Variants in ARHGAP9 observed in about 807,000 individuals in gnomAD.
ARHGAP9 encodes rho GTPase-activating protein 9.
In ARHGAP9, 76 loss-of-function variants were observed where a neutral mutation model predicts 87.3. The observed-to-expected ratio is 0.87, with a 90% confidence interval of 0.72 to 1.05. The LOEUF (loss-of-function observed/expected upper bound fraction) is 1.05, where lower values mean the gene tolerates loss of function less well. Among genes scored for constraint, ARHGAP9 ranks in the 50% least tolerant of loss-of-function variants. The pLI, the probability that ARHGAP9 is intolerant of heterozygous loss-of-function variation, is 0.00. For synonymous variants in ARHGAP9, 382 were observed against 394.9 expected (o/e 0.97, Z 0.39); for missense variants, 941 against 960.5 (o/e 0.98, Z 0.27).
upstream of ARHGAP9, among the ~76,000 whole-genome samples, chr12:57,481,891 C>T (rs1875039988): frequency 2.0e-5 from 3 of 152,076 alleles, no homozygotes; most frequent in African/African-American, 7.2e-5. Context: ...TTTCTGCATA[C>T]CCTCCCTGGG....
upstream of ARHGAP9, among the ~76,000 whole-genome samples, chr12:57,484,660 A>C (rs1316439951): frequency 6.6e-6 from 1 of 152,126 alleles, no homozygotes; most frequent in East Asian, 1.9e-4. Context: ...TTGTTTATTT[A>C]TTTTAGACAG....
chr12:57,482,640 G>A (rs1875108837), upstream of ARHGAP9, among the ~76,000 whole-genome samples: 1 of 152,138 alleles, frequency 6.6e-6, no homozygotes, highest in African/African-American at 2.4e-5. Flanking sequence ...GGGAAGTTGA[G>A]GCTGCAGTGA....
upstream of ARHGAP9, chr12:57,483,865 C>A (rs1421801827): frequency 2.2e-6 from 1 of 453,198 alleles, no homozygotes; most frequent in Non-Finnish European, 4.4e-6. Flanking sequence ...CATGGTAAAA[C>A]CCCATCCCTA....
Position 57,472,618 on chromosome 12 carries a change from A to G in ARHGAP9, c.2095T>C (p.Phe699Leu). The change falls in exon 18 of 18, where the codon TTT becomes CTT. Residue 699 changes from phenylalanine to leucine, a missense_variant. Phe to Leu is a conservative substitution (Grantham distance 22, BLOSUM62 0). Transcript: ENST00000393791. ...NLGIVFGPTL[F>L]RPEQETSDPA... The stretch of plus-strand genomic sequence containing the variant: ...TCAGATGTCTCCTGCTCTGGCCGAA[A>G]CAGGGTTGGTCCAAACACAATTCCC... The G allele has an allele frequency of 6.2e-7, 1 of 1,614,246 alleles. No homozygotes were observed. Among genetic ancestry groups the G allele is most frequent in the South Asian group, 1.1e-5 (1 of 91,084 alleles).
In ARHGAP9 at chr12:57,474,488, A is replaced by G. The variant is rs1872864028; in HGVS notation, c.1730-12T>C. ...GGTGACCGCACGCTCTGCAACATGA[A>G]TGAGGAGAGATCAGGAGCTAAGACA... On this transcript the variant is annotated splice_polypyrimidine_tract_variant and intron_variant, in intron 14 of 17. Coordinates refer to ENST00000393791, the MANE Select transcript of ARHGAP9 (RefSeq NM_032496.4). The G allele has an allele frequency of 6.2e-7, 1 of 1,614,040 alleles. No homozygotes were observed. The highest frequency in any genetic ancestry group is 1.7e-5 in the Admixed American group (1 of 59,990).
chr12:57,480,642 A>T, upstream of ARHGAP9: 1 of 815,634 alleles, frequency 1.2e-6, no homozygotes. Context: ...TTGAATCAGG[A>T]ACAATGGACA....
intron 1 of ARHGAP9, 150 bp from the exon 2 acceptor site, chr12:57,479,574 G>A (rs1874781994): frequency 1.3e-6 from 2 of 1,517,148 alleles, no homozygotes; most frequent in Middle Eastern, 2.1e-4. Context: ...GCCTGGTGAG[G>A]ATCGGTGACA....
In ARHGAP9 at chr12:57,477,585, G is replaced by C. The variant is rs148589826; in HGVS notation, c.630C>G (p.Cys210Trp). 1 of 1,613,114 alleles carries C rather than the reference G, an allele frequency of 6.2e-7. No individual in the cohort carries two copies. The highest frequency in any genetic ancestry group is 1.1e-5 in the South Asian group (1 of 91,004). Residue 210 changes from cysteine to tryptophan, a missense_variant, in exon 4 of 18, where the codon TGC (cysteine) becomes TGG (tryptophan). Cys to Trp is a radical substitution (Grantham distance 215). Coordinates refer to ENST00000393791, the MANE Select transcript of ARHGAP9 (RefSeq NM_032496.4). ...CPRSPPPGPACPLLQRLDAWE... is the reference protein window; with the variant it reads ...CPRSPPPGPAWPLLQRLDAWE... ...AGGCATCCAGCCTCTGCAGCAGGGG[G>C]CATGCAGGGCCTGGGGGTGGGGACC... is the stretch of plus-strand genomic sequence containing the variant.
intron 4 of ARHGAP9, 54 bp from the exon 5 acceptor site, chr12:57,477,323 T>C: frequency 2.0e-6 from 3 of 1,510,686 alleles, no homozygotes; most frequent in South Asian, 2.5e-5. Context: ...CTCTACCCAC[T>C]CTCCACACCC....
chr12:57,476,202 G>C, intron 8 of ARHGAP9, 36 bp from the exon 9 acceptor site: 1 of 1,518,594 alleles, frequency 6.6e-7, no homozygotes, highest in Non-Finnish European at 8.9e-7. Context: ...CCACGGTGTT[G>C]TTTCCTTCAC....
In ARHGAP9 at chr12:57,476,126, C is replaced by T; in HGVS notation, c.1157G>A (p.Arg386His). 6.5e-7 allele frequency: 1 copy of T among 1,542,662 alleles called. No homozygotes were observed. The highest frequency in any genetic ancestry group is 1.2e-5 in the South Asian group (1 of 83,610). ...GSRPESSVDLRGAALAHGRHL... is the reference protein window; with the variant it reads ...GSRPESSVDLHGAALAHGRHL... ...GCGGCCGTGCGCCAGGGCCGCCCCG[C>T]GCAGGTCCACGCTACTTTCGGGCCG... The change falls in exon 9 of 18, where the codon CGC (arginine) becomes CAC (histidine). Residue 386 changes from arginine (R) to histidine (H), a missense_variant. Physicochemically the swap from Arg to His is conservative, Grantham distance 29. Coordinates refer to ENST00000393791, the MANE Select transcript of ARHGAP9 (RefSeq NM_032496.4).
Position 57,474,486 on chromosome 12 carries a change from G to C in ARHGAP9, c.1730-10C>G. 1.2e-6 allele frequency: 2 copies of C among 1,614,162 alleles called. No individual in the cohort carries two copies. The highest frequency in any genetic ancestry group is 2.2e-5 in the South Asian group (2 of 91,082). On this transcript the variant is annotated splice_polypyrimidine_tract_variant and intron_variant, in intron 14 of 17. Transcript: ENST00000393791. Reference sequence around the variant, plus strand: ...GAGGTGACCGCACGCTCTGCAACATGAATGAGGAGAGATCAGGAGCTAAGA... The same window carrying C: ...GAGGTGACCGCACGCTCTGCAACATCAATGAGGAGAGATCAGGAGCTAAGA...
At chr12:57,484,040 C>CAA (rs746542310), upstream of ARHGAP9, 548 of 40,656 alleles carry the variant, frequency 0.013, 37 homozygotes, top group African/African-American at 0.048. Context: ...GACCCTGTCT[C>CAA]AAAAAAAAAA....
At chr12:57,478,234 G>A (rs760889870) in intron 3 of ARHGAP9, 123 of 376,496 alleles carry the variant, frequency 3.3e-4, no homozygotes, top group Non-Finnish European at 5.1e-4. Flanking sequence ...TGCGCCCTGT[G>A]CCCTGTCCCC....
At chr12:57,487,937 C>A in intron 1 of ARHGAP9, 1 of 672,818 alleles carries the variant, frequency 1.5e-6, no homozygotes, top group Admixed American at 2.3e-5. Flanking sequence ...TGTGTCTTAG[C>A]GTTGCATGAT....
chr12:57,487,991 C>T, intron 1 of ARHGAP9: 1 of 916,662 alleles, frequency 1.1e-6, no homozygotes, highest in Non-Finnish European at 1.8e-6. Flanking sequence ...AGGGCAGTGG[C>T]CTAATACGGA....
At chr12:57,486,932 C>T (rs2139989050) in intron 1 of ARHGAP9, among the ~76,000 whole-genome samples, 1 of 150,772 alleles carries the variant, frequency 6.6e-6, no homozygotes, top group Admixed American at 6.6e-5. Context: ...TTTGATGAGA[C>T]GTCGAGCTGT....
upstream of ARHGAP9, among the ~76,000 whole-genome samples, chr12:57,484,811 AT>A (rs1235121572): frequency 6.6e-6 from 1 of 150,632 alleles, no homozygotes; most frequent in Non-Finnish European, 1.5e-5. Context: ...TGCCCAGCTA[AT>A]TTTTGTATTT....
At chr12:57,476,202 G>A in intron 8 of ARHGAP9, 36 bp from the exon 9 acceptor site, 1 of 1,518,594 alleles carries the variant, frequency 6.6e-7, no homozygotes, top group Non-Finnish European at 8.9e-7. Context: ...CCACGGTGTT[G>A]TTTCCTTCAC....
Sources: allele counts gnomAD v4.1 joint callset (sites outside exome capture counted in the v4.1 genomes callset), GRCh38; gene constraint gnomAD v4.1.1; transcripts MANE v1.5; gene names NCBI Gene and HGNC (gene_info 2026-07-23, HGNC 2026-07-21).